ITSN2: variants seen among roughly 807,000 people sequenced by gnomAD.
The protein encoded by ITSN2 is intersectin-2.
In ITSN2, 156 loss-of-function variants were observed where a neutral mutation model predicts 243.7. The ratio of observed to expected loss-of-function variants is 0.64; its 90% CI spans 0.56 to 0.73. The LOEUF (loss-of-function observed/expected upper bound fraction) is 0.73, where lower values mean the gene tolerates loss of function less well. Ranked by LOEUF, ITSN2 falls within the 30% of genes least tolerant of loss-of-function variation. The probability of loss-of-function intolerance (pLI) is 0.00; values close to 1 mark genes in which losing one functional copy is unlikely to be tolerated. For missense variants in ITSN2, 1,801 were observed against 1,996.1 expected (o/e 0.90, Z 1.86); for synonymous variants, 703 against 699.9 (o/e 1.00, Z -0.07).
At position 24,297,105 on chromosome 2, in the gene ITSN2, C is replaced by T. The variant is rs187761229; in HGVS notation, c.1495-1301G>A. Among the ~76,000 whole-genome samples, 8 of 152,164 alleles carry T rather than the reference C, an allele frequency of 5.3e-5. No individual in the cohort carries two copies. The East Asian group carries it at 1.5e-3, about 29-fold the overall frequency. On this transcript the variant is annotated intron_variant, in intron 13 of 39. Coordinates refer to ENST00000355123, the MANE Select transcript of ITSN2 (RefSeq NM_006277.3). The stretch of plus-strand genomic sequence containing the variant: ...TTACAACTGTTTTGTAGTACTCTGG[C>T]ATGATTAATACTTGTGGTATGTATG...
At chr2:24,304,932 C>T (rs1682294009) in intron 8 of ITSN2, among the ~76,000 whole-genome samples, 1 of 152,174 alleles carries the variant, frequency 6.6e-6, no homozygotes. Context: ...GTCGGCCAAG[C>T]CTCTGGATAT....
At chr2:24,258,401 T>C (rs1463808463) in intron 22 of ITSN2, among the ~76,000 whole-genome samples, 2 of 152,120 alleles carry the variant, frequency 1.3e-5, no homozygotes, top group East Asian at 3.9e-4. Context: ...ATGGAACAAA[T>C]GAAAAAGGAA....
At chr2:24,316,173 G>C (rs1013681025) in intron 2 of ITSN2, among the ~76,000 whole-genome samples, 5 of 152,168 alleles carry the variant, frequency 3.3e-5, no homozygotes. Flanking sequence ...TAATAAACAG[G>C]TAGGGTGGAA....
At chr2:24,345,145 TAGC>T (rs1687405528) in intron 1 of ITSN2, among the ~76,000 whole-genome samples, 1 of 152,194 alleles carries the variant, frequency 6.6e-6, no homozygotes, top group South Asian at 2.1e-4. Flanking sequence ...AATATAGAAC[TAGC>T]CACATTTCAA....
At chr2:24,359,724 C>T (rs538181386) in intron 1 of ITSN2, among the ~76,000 whole-genome samples, 2 of 152,264 alleles carry the variant, frequency 1.3e-5, no homozygotes, top group Admixed American at 1.3e-4. Flanking sequence ...GTCAATAACG[C>T]TGAAGGTAAA....
At chr2:24,245,859 G>C (rs1000265881) in intron 29 of ITSN2, among the ~76,000 whole-genome samples, 2 of 152,194 alleles carry the variant, frequency 1.3e-5, no homozygotes, top group African/African-American at 4.8e-5. Context: ...CTGCAGTATA[G>C]ATGGCAGTCA....
At chr2:24,320,525 C>CAAAAAA (rs113637557) in intron 2 of ITSN2, among the ~76,000 whole-genome samples, 2 of 41,520 alleles carry the variant, frequency 4.8e-5, no homozygotes, top group Non-Finnish European at 8.3e-5. Context: ...GACTCCGTCT[C>CAAAAAA]AAAAAAAAAA....
At chr2:24,279,747 T>G (rs1678522155) in intron 17 of ITSN2, among the ~76,000 whole-genome samples, 1 of 148,396 alleles carries the variant, frequency 6.7e-6, no homozygotes, top group East Asian at 1.9e-4. Flanking sequence ...TTTTTTTTTT[T>G]TTTGAGACGG....
chr2:24,329,884 A>G (rs1235062230), intron 1 of ITSN2, among the ~76,000 whole-genome samples: 1 of 152,210 alleles, frequency 6.6e-6, no homozygotes, highest in Non-Finnish European at 1.5e-5. Flanking sequence ...TCAAGTTATG[A>G]CTGCAACTTC....
chr2:24,294,941 T>C (rs578137164), intron 14 of ITSN2, among the ~76,000 whole-genome samples: 93 of 152,218 alleles, frequency 6.1e-4, no homozygotes, highest in African/African-American at 2.2e-3. Flanking sequence ...AAGGCACTAG[T>C]TTTAAAGGAG....
intron 17 of ITSN2, among the ~76,000 whole-genome samples, chr2:24,279,968 A>AAG (rs1678559715): frequency 6.6e-6 from 1 of 151,598 alleles, no homozygotes; most frequent in Non-Finnish European, 1.5e-5. Flanking sequence ...TCCTGATCTC[A>AAG]TGATCCACCC....
intron 1 of ITSN2, among the ~76,000 whole-genome samples, chr2:24,340,002 C>T (rs1307117860): frequency 1.3e-5 from 2 of 152,042 alleles, no homozygotes; most frequent in Non-Finnish European, 2.9e-5. Context: ...TGTCACTGCA[C>T]TCCAGCTTGG....
At chr2:24,208,182 C>T (rs1669103390) in intron 37 of ITSN2, 55 bp downstream of exon 37, 1 of 1,431,396 alleles carries the variant, frequency 7.0e-7, no homozygotes, top group African/African-American at 1.4e-5. Flanking sequence ...GGAGCAGTGG[C>T]CGGCATTCCT....
chr2:24,290,445 T>C (rs547683322), intron 15 of ITSN2, among the ~76,000 whole-genome samples: 5 of 152,306 alleles, frequency 3.3e-5, no homozygotes, highest in South Asian at 2.1e-4. Flanking sequence ...GTACTTCAAA[T>C]TTTTTAGTGT....
At chr2:24,356,005 C>G (rs1285859085) in intron 1 of ITSN2, among the ~76,000 whole-genome samples, 2 of 152,098 alleles carry the variant, frequency 1.3e-5, no homozygotes, top group Non-Finnish European at 2.9e-5. Flanking sequence ...GAATTTGAGA[C>G]CAGCCTGGAC....
intron 1 of ITSN2, among the ~76,000 whole-genome samples, chr2:24,353,654 T>G (rs1688207365): frequency 6.6e-6 from 1 of 152,144 alleles, no homozygotes; most frequent in African/African-American, 2.4e-5. Context: ...AATAGGGTGC[T>G]TGCAGGTACA....
intron 20 of ITSN2, among the ~76,000 whole-genome samples, chr2:24,266,996 G>A (rs753093837): frequency 2.0e-5 from 3 of 151,966 alleles, no homozygotes; most frequent in Non-Finnish European, 4.4e-5. Context: ...ATTCAGACAA[G>A]AATACAATAA....
chr2:24,357,015 T>A (rs1347217205), intron 1 of ITSN2, among the ~76,000 whole-genome samples: 2 of 152,206 alleles, frequency 1.3e-5, no homozygotes, highest in African/African-American at 4.8e-5. Flanking sequence ...GGAACGCTTT[T>A]ACACTGTTGC....
rs11885840 is a variant in ITSN2, at chr2:24,310,469, T to A, written c.556+20A>T. 462 of 1,611,902 alleles carry A rather than the reference T, an allele frequency of 2.9e-4. 3 individuals carry two copies. In the African/African-American group the frequency reaches 5.4e-3, roughly 19 times the overall value. ...CTTTCTTTACATGAAATAATGACTCTTTAGAAACAAAGTACTCACTTGAAG... is the reference window on the plus strand; with the variant it reads ...CTTTCTTTACATGAAATAATGACTCATTAGAAACAAAGTACTCACTTGAAG... On this transcript the variant is annotated intron_variant, in intron 6 of 39. Transcript: ENST00000355123.
Sources: gnomAD v4.1 joint callset for allele counts (sites outside exome capture counted in the v4.1 genomes callset) on GRCh38, gnomAD v4.1.1 for gene constraint, MANE v1.5 for transcripts, NCBI Gene and HGNC (gene_info 2026-07-23, HGNC 2026-07-21) for gene names.